ADGRV1: variants seen among roughly 807,000 people sequenced by gnomAD.
The protein encoded by ADGRV1 is G-protein coupled receptor 98.
ADGRV1 carries 359 observed loss-of-function variants against 596.2 expected under a neutral mutation model. The ratio of observed to expected loss-of-function variants is 0.60; its 90% confidence interval spans 0.55 to 0.66. ADGRV1 has a LOEUF of 0.66. Ranked by LOEUF, ADGRV1 falls within the 30% of genes least tolerant of loss-of-function variation. The probability of loss-of-function intolerance (pLI) is 0.00; values close to 1 mark genes in which losing one functional copy is unlikely to be tolerated. For synonymous variants in ADGRV1, 2,681 were observed against 2,679.2 expected, an observed-to-expected ratio of 1.00 and a Z score of -0.02; for missense variants, 7,274 against 7,575.6, an observed-to-expected ratio of 0.96 and a Z score of 1.48.
Position 90,615,014 on chromosome 5 carries a change from G to T in ADGRV1, c.202G>T (p.Val68Leu), listed in dbSNP as rs776231131. ...AGAGCCAGCAAATGTTACTGCAATT[G>T]TATCGGTAAGAAATTATTATAGCTC... Reference protein sequence around the residue: ...IGEPANVTAIVSLYGEDAGDF... With the variant: ...IGEPANVTAILSLYGEDAGDF... Residue 68 changes from valine to leucine, a missense_variant, in exon 2 of 90, where the codon GTA (valine) becomes TTA (leucine). Val to Leu is a conservative substitution (Grantham distance 32). Around this residue, in one of 5 missense-constraint regions of ADGRV1, gnomAD observed 1,715 missense variants for 1,708.8 expected, o/e 1.00. Transcript: ENST00000405460. The T allele has an allele frequency of 2.1e-6, 3 of 1,428,380 alleles. No individual in the cohort carries two copies. 88.5% of individuals were successfully genotyped at this position (1,428,380 alleles called of 1,614,324 possible).
intron 87 of ADGRV1, among the ~76,000 whole-genome samples, chr5:91,123,729 G>A (rs1168049360): frequency 2.0e-5 from 3 of 152,186 alleles, no homozygotes; most frequent in Non-Finnish European, 4.4e-5. Context: ...GCCAGAAGAT[G>A]CTTCATTTAA....
intron 83 of ADGRV1, among the ~76,000 whole-genome samples, chr5:90,902,109 G>A (rs1393392018): frequency 6.6e-6 from 1 of 152,092 alleles, no homozygotes; most frequent in Non-Finnish European, 1.5e-5. Context: ...GATGTTATGT[G>A]TAAGGAAAAG....
At chr5:90,914,396 T>A (rs955547940) in intron 83 of ADGRV1, among the ~76,000 whole-genome samples, 1 of 152,152 alleles carries the variant, frequency 6.6e-6, no homozygotes, top group Non-Finnish European at 1.5e-5. Context: ...CAACAAATCT[T>A]TGAATGAGAT....
intron 87 of ADGRV1, among the ~76,000 whole-genome samples, chr5:91,141,612 T>C (rs1445663127): frequency 1.3e-5 from 2 of 152,176 alleles, no homozygotes; most frequent in African/African-American, 4.8e-5. Context: ...ATGAAGCAAT[T>C]AGAGATTAAA....
At chr5:90,712,257 A>G (rs947713207) in intron 41 of ADGRV1, 30 bp from the exon 42 acceptor site, 2 of 1,362,784 alleles carry the variant, frequency 1.5e-6, no homozygotes, top group South Asian at 1.4e-5. Context: ...ATATAAATAT[A>G]ATACATTCTG....
intron 8 of ADGRV1, 188 bp from the exon 9 acceptor site, chr5:90,629,022 A>C: frequency 1.5e-6 from 1 of 674,082 alleles, no homozygotes; most frequent in East Asian, 2.8e-5. Flanking sequence ...AAATTCCACA[A>C]ACTGTGATTT....
rs553377985 is a variant in ADGRV1, at chr5:90,710,917, C to A, written c.8825-64C>A. The A allele has an allele frequency of 5.3e-6, 5 of 941,280 alleles. No individual in the cohort carries two copies. In the African/African-American group the frequency reaches 8.2e-5, roughly 16 times the overall value. 58.3% of individuals were successfully genotyped at this position (941,280 alleles called of 1,614,324 possible). ...AATTTCAAAGGGACTGTCTTTAAAT[C>A]CTATATCAAAAATATTTTTAATCAT... On this transcript the variant is annotated intron_variant, in intron 39 of 89. Coordinates refer to ENST00000405460, the MANE Select transcript of ADGRV1 (RefSeq NM_032119.4).
In ADGRV1 at chr5:90,835,238, G is replaced by A. The variant is rs112794396; in HGVS notation, c.16612-5340G>A. Among the ~76,000 whole-genome samples the A allele has an allele frequency of 4.6e-3, 696 of 152,296 alleles. 8 individuals are homozygous for A. The highest frequency in any genetic ancestry group is 0.016 in the African/African-American group (667 of 41,572). On this transcript the variant is annotated intron_variant, in intron 77 of 89. Transcript: ENST00000405460. ...GTGATCTAAATTTTTGGTTATTGCA[G>A]CCATATCTGCATTAGGGGGCATCCC...
rs577043357 is a variant in ADGRV1, at chr5:91,154,601, A to G, written c.18802+1203A>G. On this transcript the variant is annotated intron_variant, in intron 89 of 89. Transcript: ENST00000405460. Reference sequence around the variant, plus strand: ...GTTAAGAATGGCACATCCTATCTGTATTAGTCCATTCTCACACTGCTATGA... The same window carrying G: ...GTTAAGAATGGCACATCCTATCTGTGTTAGTCCATTCTCACACTGCTATGA... Among the ~76,000 whole-genome samples the G allele has an allele frequency of 5.3e-5, 8 of 152,362 alleles. No individual in the cohort carries two copies. The East Asian group carries it at 1.5e-3, about 29-fold the overall frequency.
intron 79 of ADGRV1, among the ~76,000 whole-genome samples, chr5:90,849,398 A>G (rs1282123542): frequency 6.6e-6 from 1 of 152,086 alleles, no homozygotes; most frequent in Non-Finnish European, 1.5e-5. Context: ...AACTATATAT[A>G]TATTTTTTTA....
At chr5:90,946,315 G>A (rs753958034) in intron 83 of ADGRV1, among the ~76,000 whole-genome samples, 2 of 152,064 alleles carry the variant, frequency 1.3e-5, no homozygotes, top group Non-Finnish European at 2.9e-5. Context: ...TCATGGTAAG[G>A]CTTTTTAATT....
At position 90,683,596 on chromosome 5, in the gene ADGRV1, A is replaced by G. The variant is rs766118773; in HGVS notation, c.5675A>G (p.His1892Arg). 6.3e-7 allele frequency: 1 copy of G among 1,598,192 alleles called. No individual in the cohort carries two copies. The highest frequency in any genetic ancestry group is 2.3e-5 in the East Asian group (1 of 44,360). ...TTAAGTATTTTGTAGGTTATAAGACATCATGGAACTCTGTCTCCAGTGACT... is the reference window on the plus strand; with the variant it reads ...TTAAGTATTTTGTAGGTTATAAGACGTCATGGAACTCTGTCTCCAGTGACT... ...YSTVTLNVIR[H>R]HGTLSPVTLH... The change falls in exon 28 of 90, where the codon CAT becomes CGT. Residue 1892 changes from histidine to arginine, a missense_variant. This residue lies in a region of ADGRV1 where 3,643 missense variants were observed against 3,809.2 expected (regional missense o/e 0.96). Transcript: ENST00000405460.
intron 85 of ADGRV1, among the ~76,000 whole-genome samples, chr5:91,063,426 T>G (rs1040506631): frequency 6.6e-6 from 1 of 152,256 alleles, no homozygotes; most frequent in African/African-American, 2.4e-5. Flanking sequence ...CATAATTCTA[T>G]TCATAGCATT....
At chr5:90,989,903 G>T (rs907531297) in intron 85 of ADGRV1, among the ~76,000 whole-genome samples, 2 of 151,928 alleles carry the variant, frequency 1.3e-5, no homozygotes, top group African/African-American at 2.4e-5. Flanking sequence ...TGCAACCTCC[G>T]CCTCCCAGGT....
chr5:90,854,400 A>G (rs997141206), intron 81 of ADGRV1, among the ~76,000 whole-genome samples, 199 bp downstream of exon 81: 1 of 152,208 alleles, frequency 6.6e-6, no homozygotes, highest in Non-Finnish European at 1.5e-5. Flanking sequence ...CAGCATTTCA[A>G]TATGTGTGTA....
In ADGRV1 at chr5:90,690,086, C is replaced by CT. The variant is rs1261104219; in HGVS notation, c.6706+11dup. 1 of 1,419,914 alleles carries CT rather than the reference C, an allele frequency of 7.0e-7. No individual in the cohort carries two copies. The allele number at this position is 1,419,914 out of a possible 1,614,324, so 88.0% of individuals were successfully genotyped here. ...CCCTATGGATTATTTGGTATGAAGA[C>CT]TAATTTATGTCTCTCTTTGACTTGT... is the stretch of plus-strand genomic sequence containing the variant. On this transcript the variant is annotated intron_variant, in intron 30 of 89. Transcript: ENST00000405460.
chr5:90,899,024 C>G (rs6886778), intron 83 of ADGRV1, among the ~76,000 whole-genome samples: 28,088 of 152,090 alleles, frequency 0.18, 3,991 homozygotes, highest in African/African-American at 0.38. Context: ...GGATGTGGCA[C>G]TCATTCTTGG....
In ADGRV1 at chr5:90,757,121, T is replaced by A; in HGVS notation, c.11900T>A (p.Phe3967Tyr). 1 of 1,613,952 alleles carries A rather than the reference T, an allele frequency of 6.2e-7. No homozygotes were observed. ...ASPDSAGLED[F>Y]KPSHGILEFA... Reference sequence around the variant, plus strand: ...CCAGACAGTGCTGGCCTGGAAGACTTTAAACCATCTCATGGGATTCTTGAA... The same window carrying A: ...CCAGACAGTGCTGGCCTGGAAGACTATAAACCATCTCATGGGATTCTTGAA... The change falls in exon 57 of 90, where the codon TTT becomes TAT. Residue 3967 changes from phenylalanine to tyrosine, a missense_variant. Around this residue, in one of 5 missense-constraint regions of ADGRV1, gnomAD observed 3,643 missense variants for 3,809.2 expected, o/e 0.96. Transcript: ENST00000405460.
chr5:91,073,394 T>C (rs1788558961), intron 86 of ADGRV1, among the ~76,000 whole-genome samples: 1 of 152,182 alleles, frequency 6.6e-6, no homozygotes, highest in South Asian at 2.1e-4. Flanking sequence ...GCCAAATGAA[T>C]GACAGTCTTA....
Sources: gnomAD v4.1 joint callset for allele counts (sites outside exome capture counted in the v4.1 genomes callset) on GRCh38, gnomAD v4.1.1 for gene constraint, gnomAD v4.1.1 regional missense constraint, MANE v1.5 for transcripts, NCBI Gene and HGNC (gene_info 2026-07-23, HGNC 2026-07-21) for gene names.